TSBP1: variants seen among roughly 807,000 people sequenced by gnomAD.
The protein encoded by TSBP1 is testis-expressed basic protein 1.
In TSBP1, 56 loss-of-function variants were observed where a neutral mutation model predicts 68.8. The observed-to-expected ratio is 0.81, with a 90% CI of 0.66 to 1.02. TSBP1 has a LOEUF of 1.02. Among genes scored for constraint, TSBP1 ranks in the 50% least tolerant of loss-of-function variants. TSBP1 has a pLI of 0.00. For missense variants in TSBP1, 502 were observed against 641.2 expected, an observed-to-expected ratio of 0.78 and a Z score of 2.34; for synonymous variants, 171 against 208.7, an observed-to-expected ratio of 0.82 and a Z score of 1.56.
At chr6:32,318,903 G>A (rs557539) in intron 18 of TSBP1, among the ~76,000 whole-genome samples, 51,944 of 152,026 alleles carry the variant, frequency 0.34, 10,030 homozygotes, top group Middle Eastern at 0.52. Flanking sequence ...TGAGTGAATT[G>A]TGTCATATGT....
chr6:32,301,991 T>C, intron 20 of TSBP1, among the ~76,000 whole-genome samples: 1 of 149,568 alleles, frequency 6.7e-6, no homozygotes, highest in Non-Finnish European at 1.5e-5. Flanking sequence ...ATAATAATAA[T>C]AATATTTTGT....
At chr6:32,294,944 GT>G (rs1308340504) in intron 22 of TSBP1, among the ~76,000 whole-genome samples, 1 of 152,100 alleles carries the variant, frequency 6.6e-6, no homozygotes, top group African/African-American at 2.4e-5. Flanking sequence ...AAGGAATTGT[GT>G]GGGTTCTTGC....
In TSBP1 at chr6:32,365,380, G is replaced by C; in HGVS notation, c.217+787C>G. Reference sequence around the variant, plus strand: ...TGTTGTCCATGGTGGCTCATTTGGGGACTCAGCCTAGATGGGAGAGTGAAA... The same window carrying C: ...TGTTGTCCATGGTGGCTCATTTGGGCACTCAGCCTAGATGGGAGAGTGAAA... On this transcript the variant is annotated intron_variant, in intron 6 of 22. Transcript: ENST00000612031. The surrounding 1 kb of genome is among the most constrained non-coding windows in gnomAD (Gnocchi z 4.3). 1 of 457,272 alleles carries C rather than the reference G, an allele frequency of 2.2e-6. No homozygotes were observed. The highest frequency in any genetic ancestry group is 4.4e-6 in the Non-Finnish European group (1 of 227,106). The allele number at this position is 457,272 out of a possible 1,614,324, so 28.3% of individuals were successfully genotyped here.
chr6:32,302,500 A>T lies in TSBP1; in HGVS notation c.601+109T>A, dbSNP rs994403884. On this transcript the variant is annotated intron_variant, in intron 20 of 22. Coordinates refer to ENST00000612031, the Ensembl canonical transcript of TSBP1. This position sits in a 1 kb window ranked among gnomAD's most constrained non-coding sequence, Gnocchi z 5.1. ...CACCAAACAAACCAAAAAACACAAA[A>T]ACCCAGCAAACAAAAACAAACATAA... 1.2e-6 allele frequency: 1 copy of T among 810,478 alleles called. No individual in the cohort carries two copies. 50.2% of individuals were successfully genotyped at this position (810,478 alleles called of 1,614,324 possible). A position where few individuals can be genotyped will look rare whatever the true frequency, so the allele number is the denominator to read the frequency against.
At chr6:32,329,273 T>G (rs1768645821) in intron 16 of TSBP1, among the ~76,000 whole-genome samples, 1 of 152,270 alleles carries the variant, frequency 6.6e-6, no homozygotes, top group African/African-American at 2.4e-5. Context: ...CATGTATCCA[T>G]GTAGATTCTC....
In TSBP1 at chr6:32,311,642, C is replaced by A. The variant is rs1453415537; in HGVS notation, c.580+4130G>T. Among the ~76,000 whole-genome samples, 6 of 152,220 alleles carry A rather than the reference C, an allele frequency of 3.9e-5. No homozygotes were observed. In the East Asian group the frequency reaches 1.2e-3, roughly 29 times the overall value. On this transcript the variant is annotated intron_variant, in intron 19 of 22. Coordinates refer to ENST00000612031, the Ensembl canonical transcript of TSBP1. ...TTTCCAAGACAACATAAGCAAACAA[C>A]TGTAAAGGGCAGGAGATTTAAGAGT...
intron 16 of TSBP1, among the ~76,000 whole-genome samples, chr6:32,324,938 G>A (rs552339): frequency 0.34 from 50,905 of 151,864 alleles, 9,623 homozygotes; most frequent in Middle Eastern, 0.52. Context: ...ACTTTGATAA[G>A]TGCACCACAG....
At chr6:32,358,974 T>G (rs1228023202) in intron 6 of TSBP1, among the ~76,000 whole-genome samples, 1 of 150,504 alleles carries the variant, frequency 6.6e-6, no homozygotes, top group East Asian at 2.0e-4. Flanking sequence ...ATGTGCAGGT[T>G]AGTTACATAT....
In TSBP1 at chr6:32,327,590, A is replaced by G. The variant is rs117123773; in HGVS notation, c.514+2999T>C. On this transcript the variant is annotated intron_variant, in intron 16 of 22. Transcript: ENST00000612031. ...CATTTAGGGACAGTAGATGCTTGAA[A>G]CACTTCTAGAGGTTCATAATGTCTT... Among the ~76,000 whole-genome samples the G allele has an allele frequency of 6.6e-3, 1,002 of 151,954 alleles. 5 individuals are homozygous for G. Among genetic ancestry groups the G allele is most frequent in the Middle Eastern group, 0.024 (7 of 292 alleles).
At position 32,335,467 on chromosome 6, in the gene TSBP1, AAAGAG is replaced by A. The variant is rs2127604488; in HGVS notation, c.452-15_452-11del. ...GTTTTTTGAGAGAGCTCTAAAAAAA[AAAGAG>A]AAAAGAAATCAGTAGCTATATATAT... On this transcript the variant is annotated splice_polypyrimidine_tract_variant and intron_variant, in intron 13 of 22. Transcript: ENST00000612031. The surrounding 1 kb of genome is among the most constrained non-coding windows in gnomAD (Gnocchi z 5.5). 3 of 1,474,702 alleles carry A rather than the reference AAAGAG, an allele frequency of 2.0e-6. No individual in the cohort carries two copies. The highest frequency in any genetic ancestry group is 1.8e-6 in the Non-Finnish European group (2 of 1,106,448). 91.4% of individuals were successfully genotyped at this position (1,474,702 alleles called of 1,614,324 possible). A position where few individuals can be genotyped will look rare whatever the true frequency, so the allele number is the denominator to read the frequency against.
intron 8 of TSBP1, among the ~76,000 whole-genome samples, chr6:32,353,785 A>G (rs1448287742): frequency 1.3e-5 from 2 of 152,030 alleles, no homozygotes; most frequent in African/African-American, 4.8e-5. Flanking sequence ...CAGCAGAGAA[A>G]GAATGCACCA....
In TSBP1 at chr6:32,337,866, C is replaced by T. The variant is rs1455178170; in HGVS notation, c.409+1113G>A. Among the ~76,000 whole-genome samples the T allele has an allele frequency of 6.6e-6, 1 of 152,138 alleles. No individual in the cohort carries two copies. The highest frequency in any genetic ancestry group is 2.4e-5 in the African/African-American group (1 of 41,408). ...TTGACTTGATTATTTTAATAATGTT[C>T]CATTTGTGTAAATACTCCAAGAGGA... On this transcript the variant is annotated intron_variant, in intron 11 of 22. Transcript: ENST00000612031. This position sits in a 1 kb window ranked among gnomAD's most constrained non-coding sequence, Gnocchi z 5.5.
chr6:32,362,134 C>T (rs1773102831), intron 6 of TSBP1, among the ~76,000 whole-genome samples: 1 of 151,828 alleles, frequency 6.6e-6, no homozygotes, highest in Non-Finnish European at 1.5e-5. Context: ...ACTAAAAATA[C>T]AAAAATTAGC....
In TSBP1 at chr6:32,323,106, G is replaced by A; in HGVS notation, c.559+11C>T. ...AGAGAACCAAAGAAGAAAAAGAGAT[G>A]TTATACTTACTTATGGGTGCCATGG... On this transcript the variant is annotated intron_variant, in intron 18 of 22. Coordinates refer to ENST00000612031, the Ensembl canonical transcript of TSBP1. The A allele has an allele frequency of 6.4e-7, 1 of 1,570,048 alleles. No homozygotes were observed. The highest frequency in any genetic ancestry group is 8.7e-7 in the Non-Finnish European group (1 of 1,144,718).
chr6:32,331,945 T>TAA, intron 15 of TSBP1, 89 bp downstream of exon 16: 1 of 941,210 alleles, frequency 1.1e-6, no homozygotes, highest in Non-Finnish European at 1.7e-6. Flanking sequence ...TCAGCTTCTT[T>TAA]AACCCAGATA....
chr6:32,303,434 T>C (rs1187233982), intron 19 of TSBP1, among the ~76,000 whole-genome samples: 1 of 146,876 alleles, frequency 6.8e-6, no homozygotes, highest in Non-Finnish European at 1.5e-5. Flanking sequence ...CTTTTGTCCC[T>C]GGTAAATTTC....
rs1020645862 is a variant in TSBP1, at chr6:32,337,275, T to C, written c.410-640A>G. The stretch of plus-strand genomic sequence containing the variant: ...ATTAAGTTTATAAATGCTTCTTTCT[T>C]CATCTTGGAGGATCCCGGTTACTGG... On this transcript the variant is annotated intron_variant, in intron 11 of 22. Coordinates refer to ENST00000612031, the Ensembl canonical transcript of TSBP1. The surrounding 1 kb of genome is among the most constrained non-coding windows in gnomAD (Gnocchi z 5.5). Among the ~76,000 whole-genome samples the C allele has an allele frequency of 2.0e-5, 3 of 152,226 alleles. No homozygotes were observed. Among genetic ancestry groups the C allele is most frequent in the Non-Finnish European group, 4.4e-5 (3 of 68,044 alleles).
intron 22 of TSBP1, among the ~76,000 whole-genome samples, chr6:32,297,051 T>C (rs1001546016): frequency 1.5e-4 from 23 of 152,198 alleles, no homozygotes; most frequent in African/African-American, 5.3e-4. Context: ...TTTTGAGTAA[T>C]CTAGCTATCC....
chr6:32,310,761 A>ATATATTT, intron 19 of TSBP1, among the ~76,000 whole-genome samples: 14 of 144,834 alleles, frequency 9.7e-5, no homozygotes, highest in African/African-American at 3.5e-4. Flanking sequence ...ATATATATAT[A>ATATATTT]TTTTTAATCT....
Sources: allele counts gnomAD v4.1 joint callset (sites outside exome capture counted in the v4.1 genomes callset), GRCh38; gene constraint gnomAD v4.1.1; non-coding constraint Gnocchi (gnomAD v3.1); transcripts MANE v1.5; gene names NCBI Gene and HGNC (gene_info 2026-07-23, HGNC 2026-07-21).